The following TMEM109 variants were observed in gnomAD, a reference collection of about 807,000 sequenced individuals.
TMEM109 encodes transmembrane protein 109.
In TMEM109, 19 loss-of-function variants were observed where a neutral mutation model predicts 26.4. The ratio of observed to expected loss-of-function variants is 0.72; its 90% CI spans 0.50 to 1.06. The LOEUF is 1.06. Ranked by LOEUF, TMEM109 falls within the 50% of genes least tolerant of loss-of-function variation. The pLI is 0.00. For missense variants in TMEM109, 262 were observed against 303.4 expected, an observed-to-expected ratio of 0.86 and a Z score of 1.01; for synonymous variants, 129 against 142.0, an observed-to-expected ratio of 0.91 and a Z score of 0.65.
chr11:60,915,753 G>A (rs1365533461), intron 1 of TMEM109, among the ~76,000 whole-genome samples: 1 of 152,176 alleles, frequency 6.6e-6, no homozygotes, highest in East Asian at 1.9e-4. Flanking sequence ...ATTGGGAGGG[G>A]GGGGCGCGAA....
Position 60,922,146 on chromosome 11 carries a change from G to T in TMEM109, c.713G>T (p.Arg238Leu). The T allele has an allele frequency of 1.3e-6, 2 of 1,596,340 alleles. No individual in the cohort carries two copies. Among genetic ancestry groups the T allele is most frequent in the East Asian group, 2.3e-5 (1 of 43,552 alleles). ...CAGAGGCGAGCGGCCAAGGGGGCCCGCAGTGTGGAGGAGGAGTGAGCCGGA... is the reference window on the plus strand; with the variant it reads ...CAGAGGCGAGCGGCCAAGGGGGCCCTCAGTGTGGAGGAGGAGTGAGCCGGA... ...WRQRRAAKGA[R>L]SVEEE is the part of the protein sequence containing the mutation. The change falls in exon 4 of 4, where the codon CGC becomes CTC. Residue 238 changes from arginine (R) to leucine (L), a missense_variant. Physicochemically the swap from Arg to Leu is moderately radical, Grantham distance 102. Coordinates refer to ENST00000227525, the MANE Select transcript of TMEM109 (RefSeq NM_024092.3).
intron 1 of TMEM109, among the ~76,000 whole-genome samples, chr11:60,917,572 A>G (rs1311668497): frequency 6.6e-6 from 1 of 152,236 alleles, no homozygotes; most frequent in African/African-American, 2.4e-5. Context: ...CCAGAGCACA[A>G]AGCACAAAGT....
At chr11:60,917,688 C>G (rs990063293) in intron 1 of TMEM109, among the ~76,000 whole-genome samples, 1 of 152,228 alleles carries the variant, frequency 6.6e-6, no homozygotes, top group Admixed American at 6.5e-5. Flanking sequence ...AAGCGTCTTG[C>G]TCTCTTGCCC....
At chr11:60,920,786 G>C (rs946458848) in intron 2 of TMEM109, 100 bp from the exon 3 acceptor site, 23 of 1,087,942 alleles carry the variant, frequency 2.1e-5, no homozygotes, top group Non-Finnish European at 3.2e-5. Flanking sequence ...AAACAGGTCT[G>C]AGACATTCCT....
At chr11:60,921,722 C>T (rs1240365568) in intron 3 of TMEM109, 52 bp from the exon 4 acceptor site, 3 of 1,464,534 alleles carry the variant, frequency 2.0e-6, no homozygotes, top group Non-Finnish European at 2.8e-6. Context: ...GCCCCGCTCT[C>T]CCCTCACCAC....
At position 60,922,339 on chromosome 11, in the gene TMEM109, G is replaced by T. The variant is rs1214450908; in HGVS notation, c.*174G>T. 1.3e-6 allele frequency: 2 copies of T among 1,535,500 alleles called. No individual in the cohort carries two copies. Among genetic ancestry groups the T allele is most frequent in the South Asian group, 2.4e-5 (2 of 83,212 alleles). The stretch of plus-strand genomic sequence containing the variant: ...GAAACAGAGAAAGACCATTCCCCCT[G>T]CCTGTCCTTGCGGCCCTGTCTTCTG... On this transcript the variant is annotated 3_prime_UTR_variant, in exon 4 of 4. Coordinates refer to ENST00000227525, the MANE Select transcript of TMEM109 (RefSeq NM_024092.3).
At chr11:60,920,751 C>T in intron 2 of TMEM109, 135 bp from the exon 3 acceptor site, 1 of 810,502 alleles carries the variant, frequency 1.2e-6, no homozygotes, top group Non-Finnish European at 2.1e-6. Flanking sequence ...TACCCTCTGA[C>T]CCAGGCCTGT....
intron 1 of TMEM109, among the ~76,000 whole-genome samples, chr11:60,915,745 T>TG (rs1245899306): frequency 6.6e-5 from 10 of 152,110 alleles, no homozygotes; most frequent in South Asian, 4.2e-4. Flanking sequence ...GAGCCTTGAT[T>TG]GGGAGGGGGG....
In TMEM109 at chr11:60,920,932, C is replaced by A; in HGVS notation, c.284C>A (p.Ala95Asp). The A allele has an allele frequency of 6.2e-7, 1 of 1,614,168 alleles. No homozygotes were observed. The highest frequency in any genetic ancestry group is 8.5e-7 in the Non-Finnish European group (1 of 1,180,018). ...GCCATCTCATCAGCCATTTCTGTGGCCTTCTTTGCTCTGTCTGGGATCGCC... is the reference window on the plus strand; with the variant it reads ...GCCATCTCATCAGCCATTTCTGTGGACTTCTTTGCTCTGTCTGGGATCGCC... ...LWAISSAISV[A>D]FFALSGIAAQ... The change falls in exon 3 of 4, where the codon GCC (alanine) becomes GAC (aspartate). Residue 95 changes from alanine to aspartate, a missense_variant. Coordinates refer to ENST00000227525, the MANE Select transcript of TMEM109 (RefSeq NM_024092.3).
chr11:60,915,507 G>A (rs1223342207), intron 1 of TMEM109, among the ~76,000 whole-genome samples: 2 of 152,254 alleles, frequency 1.3e-5, no homozygotes, highest in African/African-American at 2.4e-5. Context: ...TCCCTCTCTG[G>A]AAGAGTCTGA....
At chr11:60,915,966 G>T (rs1348082626) in intron 1 of TMEM109, among the ~76,000 whole-genome samples, 2 of 152,180 alleles carry the variant, frequency 1.3e-5, no homozygotes, top group African/African-American at 4.8e-5. Flanking sequence ...CAAAACCATG[G>T]CCTGTAAGCC....
In TMEM109 at chr11:60,922,471, A is replaced by G; in HGVS notation, c.*306A>G. ...CTCTGGCTTCTGCATCTGCGCCAGC[A>G]AACATCACTGCCGTTGGTCTCTCAT... On this transcript the variant is annotated 3_prime_UTR_variant, in exon 4 of 4. Transcript: ENST00000227525. The G allele has an allele frequency of 9.5e-7, 1 of 1,057,044 alleles. No homozygotes were observed. Among genetic ancestry groups the G allele is most frequent in the Non-Finnish European group, 1.3e-6 (1 of 746,630 alleles). 65.5% of individuals were successfully genotyped at this position (1,057,044 alleles called of 1,614,324 possible).
At chr11:60,918,620 A>T (rs1217199416) in intron 1 of TMEM109, 2 of 133,508 alleles carry the variant, frequency 1.5e-5, no homozygotes, top group Non-Finnish European at 3.2e-5. Flanking sequence ...TTTTTGGTGG[A>T]GAAGGGGTCA....
intron 1 of TMEM109, among the ~76,000 whole-genome samples, chr11:60,918,285 G>A (rs511399): frequency 0.95 from 144,296 of 152,238 alleles, 68,881 homozygotes; most frequent in East Asian, 1. Context: ...ATAACAGAAT[G>A]CCACTGCCTG....
At chr11:60,917,724 T>G (rs1310272472) in intron 1 of TMEM109, among the ~76,000 whole-genome samples, 1 of 152,210 alleles carries the variant, frequency 6.6e-6, no homozygotes, top group African/African-American at 2.4e-5. Flanking sequence ...GGCATGATCA[T>G]AGCTCACTGC....
rs147978277 is a variant in TMEM109, at chr11:60,921,943, C to T, written c.510C>T (p.Ala170=). ...LWGLKLVIFL[A]GFVALMRSVP... ...GCCTGAAGCTTGTCATCTTCCTGGC[C>T]GGCTTCGTGGCCCTGATGAGGTCGG... Residue 170 remains alanine, a synonymous_variant, in exon 4 of 4, where the codon GCC becomes GCT. Coordinates refer to ENST00000227525, the MANE Select transcript of TMEM109 (RefSeq NM_024092.3). The T allele has an allele frequency of 8.1e-6, 13 of 1,613,948 alleles. No homozygotes were observed. In the African/African-American group the frequency reaches 1.2e-4, roughly 15 times the overall value.
chr11:60,922,483 C>A lies in TMEM109; in HGVS notation c.*318C>A. The stretch of plus-strand genomic sequence containing the variant: ...CATCTGCGCCAGCAAACATCACTGC[C>A]GTTGGTCTCTCATGACTTAACTGGC... On this transcript the variant is annotated 3_prime_UTR_variant, in exon 4 of 4. Coordinates refer to ENST00000227525, the MANE Select transcript of TMEM109 (RefSeq NM_024092.3). 1 of 932,692 alleles carries A rather than the reference C, an allele frequency of 1.1e-6. No homozygotes were observed. Among genetic ancestry groups the A allele is most frequent in the Non-Finnish European group, 1.5e-6 (1 of 646,458 alleles). The allele number at this position is 932,692 out of a possible 1,614,324, so 57.8% of individuals were successfully genotyped here.
At chr11:60,917,563 C>G (rs184502763) in intron 1 of TMEM109, among the ~76,000 whole-genome samples, 119 of 152,326 alleles carry the variant, frequency 7.8e-4, no homozygotes, top group East Asian at 5.8e-4. Context: ...GTTACAAGAC[C>G]AGAGCACAAA....
chr11:60,919,687 C>T lies in TMEM109; in HGVS notation c.-7C>T. On this transcript the variant is annotated splice_region_variant and 5_prime_UTR_variant, in exon 2 of 4. Coordinates refer to ENST00000227525, the MANE Select transcript of TMEM109 (RefSeq NM_024092.3). ...CTCACTGTGCTTCTCTCCTGGCAGA[C>T]CCAGTCATGGCAGCCTCCAGCATCA... is the stretch of plus-strand genomic sequence containing the variant. The T allele has an allele frequency of 6.2e-7, 1 of 1,613,588 alleles. No individual in the cohort carries two copies. The highest frequency in any genetic ancestry group is 1.1e-5 in the South Asian group (1 of 91,080).
Sources: allele counts gnomAD v4.1 joint callset (sites outside exome capture counted in the v4.1 genomes callset), GRCh38; gene constraint gnomAD v4.1.1; transcripts MANE v1.5; gene names NCBI Gene and HGNC (gene_info 2026-07-23, HGNC 2026-07-21).